Variants in HOOK3 observed in about 807,000 individuals in gnomAD.
The protein encoded by HOOK3 is hook microtubule tethering protein 3.
A neutral mutation model predicts 116.3 loss-of-function variants in HOOK3; 24 were observed. The ratio of observed to expected loss-of-function variants is 0.21; its 90% CI spans 0.15 to 0.29. The LOEUF is 0.29. Among genes scored for constraint, HOOK3 ranks in the 10% least tolerant of loss-of-function variants. The probability of loss-of-function intolerance (pLI) is 1.00; values close to 1 mark genes in which losing one functional copy is unlikely to be tolerated. For synonymous variants in HOOK3, 275 were observed against 283.0 expected, an observed-to-expected ratio of 0.97 and a Z score of 0.28; for missense variants, 632 against 830.2, an observed-to-expected ratio of 0.76 and a Z score of 2.93.
chr8:42,897,342 C>A, intron 1 of HOOK3, 154 bp downstream of exon 1: 2 of 437,384 alleles, frequency 4.6e-6, no homozygotes, highest in Non-Finnish European at 7.5e-6. Context: ...GCCCAGGGTC[C>A]GAGAGAGACT....
At chr8:43,012,778 C>T (rs1326196909) in intron 19 of HOOK3, among the ~76,000 whole-genome samples, 1 of 151,778 alleles carries the variant, frequency 6.6e-6, no homozygotes, top group African/African-American at 2.4e-5. Flanking sequence ...TTTTTAAACA[C>T]TTTTTGTAGA....
At chr8:42,953,436 T>C (rs1271485107) in intron 6 of HOOK3, among the ~76,000 whole-genome samples, 1 of 151,706 alleles carries the variant, frequency 6.6e-6, no homozygotes, top group African/African-American at 2.4e-5. Context: ...TGGTGGCACG[T>C]ACCTGTAATC....
At chr8:42,920,059 G>A (rs1807626966) in intron 2 of HOOK3, among the ~76,000 whole-genome samples, 1 of 152,082 alleles carries the variant, frequency 6.6e-6, no homozygotes, top group African/African-American at 2.4e-5. Flanking sequence ...GCTGTGAGTG[G>A]TACAAAAGTT....
rs1164136399 is a variant in HOOK3, at chr8:42,903,338, C to CTTT, written c.58-2813_58-2811dup. Among the ~76,000 whole-genome samples the CTTT allele has an allele frequency of 6.3e-3, 551 of 87,578 alleles. 6 individuals are homozygous for CTTT. Among genetic ancestry groups the CTTT allele is most frequent in the Non-Finnish European group, 6.6e-3 (316 of 47,584 alleles). The allele number at this position is 87,578 out of a possible 152,430, so 57.5% of individuals were successfully genotyped here. A position where few individuals can be genotyped will look rare whatever the true frequency, so the allele number is the denominator to read the frequency against. On this transcript the variant is annotated intron_variant, in intron 1 of 21. Coordinates refer to ENST00000307602, the MANE Select transcript of HOOK3 (RefSeq NM_032410.4). ...TACTGACTGTACTGTTAATAGTTGTCTTTTTTTTTTTTTTTTTTTTTTTTG... is the reference window on the plus strand; with the variant it reads ...TACTGACTGTACTGTTAATAGTTGTCTTTTTTTTTTTTTTTTTTTTTTTTTTTG...
intron 21 of HOOK3, among the ~76,000 whole-genome samples, chr8:43,018,094 T>C (rs1487677004): frequency 6.6e-6 from 1 of 152,114 alleles, no homozygotes; most frequent in African/African-American, 2.4e-5. Flanking sequence ...TATGATTGAG[T>C]ATGGGTAAAG....
At position 43,000,863 on chromosome 8, in the gene HOOK3, G is replaced by A. The variant is rs995986932; in HGVS notation, c.1621-1244G>A. The A allele has an allele frequency of 3.7e-4, 57 of 152,190 alleles. 3 individuals carry two copies. Among genetic ancestry groups the A allele is most frequent in the Non-Finnish European group, 1.5e-5 (1 of 68,042 alleles). 9.4% of individuals were successfully genotyped at this position (152,190 alleles called of 1,614,324 possible). A position where few individuals can be genotyped will look rare whatever the true frequency, so the allele number is the denominator to read the frequency against. On this transcript the variant is annotated intron_variant, in intron 16 of 21. Transcript: ENST00000307602. ...CTATGTTACTACATATCTTCTCAGA[G>A]TTAAAGTTTTGCTAGAGTCTAATCA...
At chr8:42,988,973 C>T (rs1403219195) in intron 15 of HOOK3, among the ~76,000 whole-genome samples, 1 of 152,026 alleles carries the variant, frequency 6.6e-6, no homozygotes, top group Non-Finnish European at 1.5e-5. Flanking sequence ...ACATTGGGTC[C>T]CACTGAGTCT....
Position 43,020,153 on chromosome 8 carries a change from C to G in HOOK3, c.*1655C>G. On this transcript the variant is annotated 3_prime_UTR_variant, in exon 22 of 22. Coordinates refer to ENST00000307602, the MANE Select transcript of HOOK3 (RefSeq NM_032410.4). The stretch of plus-strand genomic sequence containing the variant: ...AGTTGAAGAAAGATATTAGAGTATA[C>G]ACAGAACTGGAGCCATACATTGTGC... The G allele has an allele frequency of 5.0e-6, 1 of 198,860 alleles. No homozygotes were observed. The highest frequency in any genetic ancestry group is 1.7e-3 in the Middle Eastern group (1 of 580). The allele number at this position is 198,860 out of a possible 1,614,324, so 12.3% of individuals were successfully genotyped here.
At chr8:43,014,283 CAGAAAAAAAAA>C (rs932199939) in intron 21 of HOOK3, among the ~76,000 whole-genome samples, 10 of 77,012 alleles carry the variant, frequency 1.3e-4, no homozygotes, top group African/African-American at 5.1e-4. Context: ...AAGACTGTCT[CAGAAAAAAAAA>C]AAAAAAAAAA....
chr8:42,953,658 A>T (rs921673748), intron 6 of HOOK3, among the ~76,000 whole-genome samples: 3 of 152,162 alleles, frequency 2.0e-5, no homozygotes, highest in Non-Finnish European at 4.4e-5. Flanking sequence ...GGCTGTGAGT[A>T]AGCAATTTCC....
At chr8:42,966,323 A>G in intron 9 of HOOK3, 150 bp from the exon 10 acceptor site, 1 of 653,508 alleles carries the variant, frequency 1.5e-6, no homozygotes, top group Non-Finnish European at 2.5e-6. Flanking sequence ...TATGACAGTT[A>G]GTGCTTGAGA....
chr8:42,933,753 G>A (rs1032711723), intron 4 of HOOK3, among the ~76,000 whole-genome samples: 1 of 152,172 alleles, frequency 6.6e-6, no homozygotes, highest in African/African-American at 2.4e-5. Context: ...GTTGAATATG[G>A]AATTCCAGGT....
At chr8:42,943,989 A>T (rs1808176871) in intron 5 of HOOK3, among the ~76,000 whole-genome samples, 2 of 152,250 alleles carry the variant, frequency 1.3e-5, no homozygotes, top group Admixed American at 1.3e-4. Flanking sequence ...AATCTGGCAG[A>T]TACTTTTCCT....
chr8:43,021,104 G>GAAAAAAAAAAAA lies in HOOK3; in HGVS notation c.*2624_*2635dup, dbSNP rs34161624. ...CGACAAGAGCGAAACTCTGTCGCAA[G>GAAAAAAAAAAAA]AAAAAAAAAAAAAAAAAAAAAAAAA... On this transcript the variant is annotated 3_prime_UTR_variant, in exon 22 of 22. Transcript: ENST00000307602. The GAAAAAAAAAAAA allele has an allele frequency of 3.1e-5, 1 of 32,246 alleles. No homozygotes were observed. Among genetic ancestry groups the GAAAAAAAAAAAA allele is most frequent in the Admixed American group, 3.3e-4 (1 of 3,004 alleles). The allele number at this position is 32,246 out of a possible 1,614,324, so 2.0% of individuals were successfully genotyped here.
chr8:43,028,242 T>A lies in HOOK3; in HGVS notation c.*9744T>A, dbSNP rs759268444. 1 of 184,478 alleles carries A rather than the reference T, an allele frequency of 5.4e-6. No individual in the cohort carries two copies. The highest frequency in any genetic ancestry group is 1.1e-5 in the Non-Finnish European group (1 of 87,076). 11.4% of individuals were successfully genotyped at this position (184,478 alleles called of 1,614,324 possible). On this transcript the variant is annotated 3_prime_UTR_variant, in exon 22 of 22. Coordinates refer to ENST00000307602, the MANE Select transcript of HOOK3 (RefSeq NM_032410.4). ...GGTAGCTCATGCCTGTAGTCCCAGC[T>A]ACTCCAGAGGTCGAGGCAGGAGCAT...
chr8:42,983,078 C>T (rs57797146), intron 14 of HOOK3, among the ~76,000 whole-genome samples: 12,451 of 152,142 alleles, frequency 0.082, 1,236 homozygotes, highest in African/African-American at 0.24. Context: ...CTCACGCCTG[C>T]AATCCCAGCA....
chr8:43,005,195 C>CTATATA (rs1365303352), intron 17 of HOOK3, among the ~76,000 whole-genome samples: 2 of 63,866 alleles, frequency 3.1e-5, no homozygotes, highest in African/African-American at 1.2e-4. Context: ...CTCTCTCTCT[C>CTATATA]TCTCTATATA....
At chr8:42,953,848 G>A (rs1808386131) in intron 6 of HOOK3, among the ~76,000 whole-genome samples, 1 of 152,122 alleles carries the variant, frequency 6.6e-6, no homozygotes, top group Non-Finnish European at 1.5e-5. Context: ...GAAACAGAGA[G>A]TTTGAGTAAC....
At chr8:42,940,185 C>T (rs983944260) in intron 4 of HOOK3, among the ~76,000 whole-genome samples, 5 of 151,516 alleles carry the variant, frequency 3.3e-5, no homozygotes, top group African/African-American at 9.8e-5. Context: ...CACTCCAGCC[C>T]AGGCACCATT....
Sources: gnomAD v4.1 joint callset for allele counts (sites outside exome capture counted in the v4.1 genomes callset) on GRCh38, gnomAD v4.1.1 for gene constraint, MANE v1.5 for transcripts, NCBI Gene and HGNC (gene_info 2026-07-23, HGNC 2026-07-21) for gene names.